The following NT5M variants were observed in gnomAD, a reference collection of about 807,000 sequenced individuals.
NT5M encodes 5',3'-nucleotidase, mitochondrial.
NT5M carries 22 observed loss-of-function variants against 22.2 expected under a neutral mutation model. The observed-to-expected ratio is 0.99, with a 90% CI of 0.71 to 1.41. The LOEUF is 1.41. NT5M is among the 40% of genes most tolerant of loss of function. The probability of loss-of-function intolerance (pLI) is 0.00; values close to 1 mark genes in which losing one functional copy is unlikely to be tolerated. For missense variants in NT5M, 322 were observed against 314.8 expected (o/e 1.02, Z -0.17); for synonymous variants, 167 against 133.0 (o/e 1.26, Z -1.76).
rs1429341843 is a variant in NT5M at position 17,324,498 on chromosome 17, AT to A, written c.429+1256del. Among the ~76,000 whole-genome samples, 21 of 54,350 alleles carry A rather than the reference AT, an allele frequency of 3.9e-4. 1 individual carries two copies. Among genetic ancestry groups the A allele is most frequent in the Non-Finnish European group, 4.2e-4 (11 of 26,494 alleles). 35.7% of individuals were successfully genotyped at this position (54,350 alleles called of 152,430 possible). A position where few individuals can be genotyped will look rare whatever the true frequency, so the allele number is the denominator to read the frequency against. ...GACTGTCCCCCCACAAAAAAACTTA[AT>A]TTAAAAAAAAAAAAAGAAATTCACA... is the stretch of plus-strand genomic sequence containing the variant. On this transcript the variant is annotated intron_variant, in intron 3 of 4. Transcript: ENST00000389022.
chr17:17,311,760 G>C (rs543385612), intron 2 of NT5M, among the ~76,000 whole-genome samples: 1 of 152,320 alleles, frequency 6.6e-6, no homozygotes, highest in African/African-American at 2.4e-5. Flanking sequence ...GACCTTATTT[G>C]GTAGTAATTT....
chr17:17,325,741 C>A (rs77616389), intron 3 of NT5M, among the ~76,000 whole-genome samples: 4 of 152,326 alleles, frequency 2.6e-5, no homozygotes, highest in East Asian at 3.9e-4. Context: ...ACTGTGCCCC[C>A]CTCTCTGTGT....
At chr17:17,342,847 C>T (rs2049674628) in intron 3 of NT5M, among the ~76,000 whole-genome samples, 1 of 152,230 alleles carries the variant, frequency 6.6e-6, no homozygotes, top group Non-Finnish European at 1.5e-5. Flanking sequence ...CTGTGTGCCT[C>T]CTCCTGCTAT....
At chr17:17,326,405 T>C (rs1169212008) in intron 3 of NT5M, among the ~76,000 whole-genome samples, 1 of 152,078 alleles carries the variant, frequency 6.6e-6, no homozygotes, top group Admixed American at 6.5e-5. Flanking sequence ...ACCGCGCATA[T>C]TTAAGAGGAA....
chr17:17,318,662 G>A (rs2049085824), intron 2 of NT5M, among the ~76,000 whole-genome samples: 1 of 150,970 alleles, frequency 6.6e-6, no homozygotes, highest in Non-Finnish European at 1.5e-5. Context: ...GCACATACCT[G>A]TAATCCCAGC....
At position 17,331,128 on chromosome 17, in the gene NT5M, A is replaced by G. The variant is rs191656566; in HGVS notation, c.429+7883A>G. On this transcript the variant is annotated intron_variant, in intron 3 of 4. Coordinates refer to ENST00000389022, the MANE Select transcript of NT5M (RefSeq NM_020201.4). Reference sequence around the variant, plus strand: ...TAGGACTTAGGCTAAAAGACTTGGCACTTTCTCTTGGCATGTAAAGAAACC... The same window carrying G: ...TAGGACTTAGGCTAAAAGACTTGGCGCTTTCTCTTGGCATGTAAAGAAACC... Among the ~76,000 whole-genome samples the G allele has an allele frequency of 1.6e-4, 24 of 151,672 alleles. 1 individual carries two copies. Among genetic ancestry groups the G allele is most frequent in the Admixed American group, 3.3e-4 (5 of 15,256 alleles).
intron 2 of NT5M, among the ~76,000 whole-genome samples, chr17:17,309,603 A>C (rs2048880978): frequency 6.6e-6 from 1 of 150,726 alleles, no homozygotes; most frequent in African/African-American, 2.4e-5. Flanking sequence ...TACTTTAGCC[A>C]TCCTTGTGGG....
chr17:17,335,982 T>C (rs1004138889), intron 3 of NT5M, among the ~76,000 whole-genome samples: 1 of 141,680 alleles, frequency 7.1e-6, no homozygotes, highest in South Asian at 2.3e-4. Flanking sequence ...TGCTAGCAAA[T>C]ACTAGGTCTT....
Position 17,303,790 on chromosome 17 carries a change from G to C in NT5M, c.240G>C (p.Gln80His). 6.4e-7 allele frequency: 1 copy of C among 1,560,946 alleles called. No homozygotes were observed. The highest frequency in any genetic ancestry group is 8.7e-7 in the Non-Finnish European group (1 of 1,153,358). The change falls in exon 1 of 5, where the codon CAG becomes CAC. Residue 80 changes from glutamine to histidine, a missense_variant. Transcript: ENST00000389022. ...GGCGCGGCTTCTGGGTGTCGGAGCA[G>C]TACGGCCGCCTGCGGCCAGGGCTGA... is the stretch of plus-strand genomic sequence containing the variant. Reference protein sequence around the residue: ...EDRRGFWVSEQYGRLRPGLSE... With the variant: ...EDRRGFWVSEHYGRLRPGLSE...
chr17:17,343,258 C>A (rs1354592817), intron 3 of NT5M, among the ~76,000 whole-genome samples: 1 of 151,950 alleles, frequency 6.6e-6, no homozygotes, highest in Non-Finnish European at 1.5e-5. Context: ...TGTGTGTGTG[C>A]ATGTGTGTGT....
chr17:17,304,818 A>G (rs2048759833), intron 1 of NT5M, among the ~76,000 whole-genome samples: 1 of 152,106 alleles, frequency 6.6e-6, no homozygotes, highest in Non-Finnish European at 1.5e-5. Context: ...TCTCTGTACT[A>G]CTGTCTCTAA....
intron 3 of NT5M, among the ~76,000 whole-genome samples, chr17:17,335,215 A>G (rs906467740): frequency 3.9e-5 from 6 of 152,096 alleles, no homozygotes; most frequent in Middle Eastern, 3.2e-3. Context: ...TTTTAATGCT[A>G]TTATAAACTT....
chr17:17,324,185 A>G (rs1382721581), intron 3 of NT5M, among the ~76,000 whole-genome samples: 1 of 147,788 alleles, frequency 6.8e-6, no homozygotes, highest in African/African-American at 2.5e-5. Flanking sequence ...TGGATTCCAT[A>G]TTTAAATGAA....
intron 3 of NT5M, among the ~76,000 whole-genome samples, chr17:17,333,918 C>T (rs2049441276): frequency 6.6e-6 from 1 of 151,464 alleles, no homozygotes; most frequent in Non-Finnish European, 1.5e-5. Flanking sequence ...ATTGCAAACT[C>T]CACCTCCCGG....
At chr17:17,333,759 C>T (rs1274683539) in intron 3 of NT5M, among the ~76,000 whole-genome samples, 1 of 151,850 alleles carries the variant, frequency 6.6e-6, no homozygotes, top group African/African-American at 2.4e-5. Context: ...CAGGTTCAAG[C>T]GATTCTACCT....
chr17:17,311,575 A>C (rs2145330958), intron 2 of NT5M, among the ~76,000 whole-genome samples: 1 of 152,334 alleles, frequency 6.6e-6, no homozygotes, highest in African/African-American at 2.4e-5. Flanking sequence ...AGACTTAGAT[A>C]ACTTTTATTG....
In NT5M at chr17:17,346,859, A is replaced by G. The variant is rs1320339752; in HGVS notation, c.599A>G (p.Gln200Arg). The G allele has an allele frequency of 1.9e-6, 3 of 1,608,520 alleles. No individual in the cohort carries two copies. The highest frequency in any genetic ancestry group is 2.5e-6 in the Non-Finnish European group (3 of 1,179,912). Reference protein sequence around the residue: ...EHVLFTACHNQHLQLQPPRRR... With the variant: ...EHVLFTACHNRHLQLQPPRRR... ...GTCCTCTTCACCGCCTGCCACAACCAGCACCTGCAGCTGCAGCCCCCCCGC... is the reference window on the plus strand; with the variant it reads ...GTCCTCTTCACCGCCTGCCACAACCGGCACCTGCAGCTGCAGCCCCCCCGC... The change falls in exon 5 of 5, where the codon CAG (glutamine) becomes CGG (arginine). Residue 200 changes from glutamine to arginine, a missense_variant. Gln to Arg is a conservative substitution (Grantham distance 43). Coordinates refer to ENST00000389022, the MANE Select transcript of NT5M (RefSeq NM_020201.4).
At chr17:17,314,179 G>A (rs1288593645) in intron 2 of NT5M, among the ~76,000 whole-genome samples, 7 of 151,710 alleles carry the variant, frequency 4.6e-5, no homozygotes, top group African/African-American at 7.3e-5. Context: ...GATTACGGGC[G>A]CCCGCCACCA....
At chr17:17,335,149 A>C (rs187121602) in intron 3 of NT5M, among the ~76,000 whole-genome samples, 1 of 151,422 alleles carries the variant, frequency 6.6e-6, no homozygotes, top group East Asian at 1.9e-4. Context: ...TAAATATTTT[A>C]TAATGGTAAA....
Sources: gnomAD v4.1 joint callset for allele counts (sites outside exome capture counted in the v4.1 genomes callset) on GRCh38, gnomAD v4.1.1 for gene constraint, MANE v1.5 for transcripts, NCBI Gene and HGNC (gene_info 2026-07-23, HGNC 2026-07-21) for gene names.